Variants in CCSER1 observed in about 807,000 individuals in gnomAD.
The protein encoded by CCSER1 is serine-rich coiled-coil domain-containing protein 1.
In CCSER1, 41 loss-of-function variants were observed where a neutral mutation model predicts 82.0. The observed-to-expected ratio is 0.50, with a 90% confidence interval of 0.39 to 0.65. The LOEUF (loss-of-function observed/expected upper bound fraction) is 0.65, where lower values mean the gene tolerates loss of function less well. Among genes scored for constraint, CCSER1 ranks in the 30% least tolerant of loss-of-function variants. The pLI, the probability that CCSER1 is intolerant of heterozygous loss-of-function variation, is 0.00. For missense variants in CCSER1, 1,119 were observed against 1,064.2 expected (o/e 1.05, Z -0.72); for synonymous variants, 414 against 383.9 (o/e 1.08, Z -0.92).
chr4:91,196,236 G>A (rs917060788), intron 10 of CCSER1, among the ~76,000 whole-genome samples: 4 of 150,712 alleles, frequency 2.7e-5, no homozygotes, highest in Admixed American at 6.6e-5. Flanking sequence ...CTCAAAGACT[G>A]CATTTCTCTT....
At chr4:91,327,060 G>A (rs533976970) in intron 10 of CCSER1, among the ~76,000 whole-genome samples, 1 of 152,304 alleles carries the variant, frequency 6.6e-6, no homozygotes, top group South Asian at 2.1e-4. Flanking sequence ...GGTACAAGCT[G>A]TTGGTGGATC....
intron 10 of CCSER1, among the ~76,000 whole-genome samples, chr4:91,157,890 C>T (rs536692531): frequency 6.6e-6 from 1 of 152,012 alleles, no homozygotes; most frequent in East Asian, 1.9e-4. Context: ...AAGGAGATCT[C>T]CTAAAGTTGT....
At chr4:91,442,697 G>A (rs1350672212) in intron 10 of CCSER1, among the ~76,000 whole-genome samples, 5 of 134,288 alleles carry the variant, frequency 3.7e-5, no homozygotes, top group Non-Finnish European at 4.8e-5. Flanking sequence ...CCTACAAAAT[G>A]GGAGAAAATT....
At chr4:90,672,317 T>C (rs954133957) in intron 6 of CCSER1, among the ~76,000 whole-genome samples, 1 of 152,048 alleles carries the variant, frequency 6.6e-6, no homozygotes, top group Non-Finnish European at 1.5e-5. Flanking sequence ...AGCATCTTCA[T>C]CAACACTTAC....
At chr4:90,710,387 A>G (rs1225804668) in intron 6 of CCSER1, among the ~76,000 whole-genome samples, 1 of 151,954 alleles carries the variant, frequency 6.6e-6, no homozygotes, top group African/African-American at 2.4e-5. Context: ...TGGTATTTTT[A>G]TCATGAAATC....
chr4:90,323,007 C>T (rs762541112), intron 3 of CCSER1, among the ~76,000 whole-genome samples: 6 of 152,168 alleles, frequency 3.9e-5, no homozygotes, highest in East Asian at 1.9e-4. Context: ...TCCTTCCTTC[C>T]GGGCAGCAGG....
chr4:90,498,690 T>C (rs1043907933), intron 5 of CCSER1, among the ~76,000 whole-genome samples: 4 of 152,206 alleles, frequency 2.6e-5, no homozygotes, highest in Non-Finnish European at 5.9e-5. Flanking sequence ...AAGTCTTGTC[T>C]GTGTTTTCCC....
intron 8 of CCSER1, among the ~76,000 whole-genome samples, chr4:90,902,338 A>C (rs1475579556): frequency 5.9e-5 from 9 of 151,930 alleles, no homozygotes; most frequent in Admixed American, 3.9e-4. Flanking sequence ...AGCTAGTATG[A>C]TCCTTTGGAA....
At chr4:91,134,802 C>CT (rs1728312767) in intron 10 of CCSER1, among the ~76,000 whole-genome samples, 1 of 152,132 alleles carries the variant, frequency 6.6e-6, no homozygotes, top group Non-Finnish European at 1.5e-5. Context: ...TGGCTCACGC[C>CT]TGTAATCCCA....
At chr4:90,201,502 T>A (rs893084045) in intron 1 of CCSER1, among the ~76,000 whole-genome samples, 1 of 150,350 alleles carries the variant, frequency 6.7e-6, no homozygotes, top group Non-Finnish European at 1.5e-5. Flanking sequence ...ACAGGTGAAA[T>A]TAATTTTATT....
chr4:90,783,284 C>A (rs975891077), intron 7 of CCSER1, among the ~76,000 whole-genome samples: 2 of 152,116 alleles, frequency 1.3e-5, no homozygotes, highest in Non-Finnish European at 2.9e-5. Context: ...TTGGGCTCAT[C>A]AGATAAATTA....
At chr4:90,701,290 T>C (rs536089367) in intron 6 of CCSER1, among the ~76,000 whole-genome samples, 3 of 152,232 alleles carry the variant, frequency 2.0e-5, no homozygotes, top group African/African-American at 7.2e-5. Context: ...GATCAGATGG[T>C]TGTAGATGTG....
intron 10 of CCSER1, among the ~76,000 whole-genome samples, chr4:91,587,597 C>CAGAT (rs1764059380): frequency 6.6e-6 from 1 of 151,722 alleles, no homozygotes; most frequent in Admixed American, 6.6e-5. Flanking sequence ...GTAAACGTAA[C>CAGAT]AGATATAATT....
intron 10 of CCSER1, among the ~76,000 whole-genome samples, chr4:91,367,140 AAAAAAAAAAAG>A (rs1275827487): frequency 6.7e-6 from 1 of 149,206 alleles, no homozygotes; most frequent in Non-Finnish European, 1.5e-5. Context: ...CAAAAAAAAA[AAAAAAAAAAAG>A]AGAAAAAAAT....
chr4:90,390,327 C>T (rs1458347081), intron 3 of CCSER1, among the ~76,000 whole-genome samples: 1 of 152,058 alleles, frequency 6.6e-6, no homozygotes, highest in Non-Finnish European at 1.5e-5. Flanking sequence ...GGTACATGCA[C>T]AGGTTTGTTA....
chr4:91,322,523 C>T (rs1746266550), intron 10 of CCSER1, among the ~76,000 whole-genome samples: 1 of 151,972 alleles, frequency 6.6e-6, no homozygotes, highest in Non-Finnish European at 1.5e-5. Flanking sequence ...GGGTGAATTC[C>T]AAGTCTTGTT....
At chr4:90,870,815 C>CT (rs35869800) in intron 8 of CCSER1, among the ~76,000 whole-genome samples, 22,803 of 109,292 alleles carry the variant, frequency 0.21, 2,140 homozygotes, top group African/African-American at 0.24. Flanking sequence ...AGGTCCTTGG[C>CT]TTTTTTTTTT....
At chr4:91,508,170 T>TG (rs1759621112) in intron 10 of CCSER1, among the ~76,000 whole-genome samples, 1 of 145,976 alleles carries the variant, frequency 6.9e-6, no homozygotes, top group Admixed American at 6.9e-5. Flanking sequence ...GGGTTTTTTT[T>TG]TTTTTTTTTC....
chr4:90,881,609 C>A (rs1343394928), intron 8 of CCSER1, among the ~76,000 whole-genome samples: 2 of 151,198 alleles, frequency 1.3e-5, no homozygotes, highest in Non-Finnish European at 1.5e-5. Flanking sequence ...CCATCTCTAC[C>A]AAAAATGCAA....
Sources: gnomAD v4.1 joint callset for allele counts (sites outside exome capture counted in the v4.1 genomes callset) on GRCh38, gnomAD v4.1.1 for gene constraint, MANE v1.5 for transcripts, NCBI Gene and HGNC (gene_info 2026-07-23, HGNC 2026-07-21) for gene names.